ENOX1: variants seen among roughly 807,000 people sequenced by gnomAD.
The protein encoded by ENOX1 is ecto-NOX disulfide-thiol exchanger 1.
In ENOX1, 42 loss-of-function variants were observed where a neutral mutation model predicts 82.5. That is an observed-to-expected ratio of 0.51 (90% confidence interval 0.40 to 0.66). The LOEUF is 0.66. Ranked by LOEUF, ENOX1 falls within the 30% of genes least tolerant of loss-of-function variation. ENOX1 has a pLI of 0.00. For synonymous variants in ENOX1, 271 were observed against 282.2 expected (o/e 0.96, Z 0.40); for missense variants, 608 against 811.6 (o/e 0.75, Z 3.05).
intron 1 of ENOX1, among the ~76,000 whole-genome samples, chr13:43,764,259 C>A (rs1951145431): frequency 6.6e-6 from 1 of 152,166 alleles, no homozygotes; most frequent in Non-Finnish European, 1.5e-5. Context: ...TCTACAAAAA[C>A]ATATTCTAAC....
intron 1 of ENOX1, among the ~76,000 whole-genome samples, chr13:43,673,636 T>A (rs1435643160): frequency 6.6e-6 from 1 of 152,242 alleles, no homozygotes; most frequent in African/African-American, 2.4e-5. Context: ...CCACAGGGCA[T>A]AACTGGGCTA....
intron 2 of ENOX1, among the ~76,000 whole-genome samples, chr13:43,556,481 T>C (rs1363705715): frequency 6.6e-6 from 1 of 152,210 alleles, no homozygotes; most frequent in Non-Finnish European, 1.5e-5. Flanking sequence ...TACTCTACTG[T>C]AGATCTCTCA....
chr13:43,656,490 A>G (rs921814469), intron 2 of ENOX1, among the ~76,000 whole-genome samples: 4 of 152,222 alleles, frequency 2.6e-5, no homozygotes, highest in Non-Finnish European at 4.4e-5. Context: ...AAATTATTCA[A>G]TTCCTACCAT....
At position 43,383,069 on chromosome 13, in the gene ENOX1, C is replaced by T. The variant is rs569054541; in HGVS notation, c.209-21617G>A. Among the ~76,000 whole-genome samples, 5 of 152,266 alleles carry T rather than the reference C, an allele frequency of 3.3e-5. No homozygotes were observed. In the South Asian group the frequency reaches 1.0e-3, roughly 32 times the overall value. ...TATAGTTTTAGAAGTCAGCAAGCAGCATATTGGGGATTATGGATGAACTGA... is the reference window on the plus strand; with the variant it reads ...TATAGTTTTAGAAGTCAGCAAGCAGTATATTGGGGATTATGGATGAACTGA... On this transcript the variant is annotated intron_variant, in intron 5 of 16. Transcript: ENST00000690772.
intron 12 of ENOX1, among the ~76,000 whole-genome samples, chr13:43,280,016 A>G (rs2045286977): frequency 6.6e-6 from 1 of 152,214 alleles, no homozygotes; most frequent in Non-Finnish European, 1.5e-5. Flanking sequence ...GCAAATGGTA[A>G]TCCAATTTGC....
chr13:43,620,118 G>C (rs2153745413), intron 2 of ENOX1, among the ~76,000 whole-genome samples: 1 of 152,042 alleles, frequency 6.6e-6, no homozygotes, highest in South Asian at 2.1e-4. Context: ...TCCTTTCTTA[G>C]TGAGGTTATT....
intron 5 of ENOX1, among the ~76,000 whole-genome samples, chr13:43,407,512 G>A (rs1465258079): frequency 6.6e-6 from 1 of 152,130 alleles, no homozygotes; most frequent in African/African-American, 2.4e-5. Context: ...ATGGTGGTTT[G>A]CTGTACCTAT....
chr13:43,286,923 T>G (rs1179125820), intron 12 of ENOX1, among the ~76,000 whole-genome samples: 2 of 152,290 alleles, frequency 1.3e-5, no homozygotes, highest in Middle Eastern at 3.4e-3. Flanking sequence ...TCCAAGCATA[T>G]GAAGGAGGGA....
chr13:43,484,978 A>T (rs1298282794), intron 2 of ENOX1, among the ~76,000 whole-genome samples: 1 of 152,104 alleles, frequency 6.6e-6, no homozygotes, highest in African/African-American at 2.4e-5. Context: ...CAAACTTCTC[A>T]TCTTCCTCTG....
intron 1 of ENOX1, among the ~76,000 whole-genome samples, chr13:43,769,997 G>C (rs1951496573): frequency 6.6e-6 from 1 of 152,170 alleles, no homozygotes; most frequent in Non-Finnish European, 1.5e-5. Flanking sequence ...TCTCTAATAA[G>C]AATTTACCCA....
chr13:43,273,976 C>T (rs1415469836), intron 12 of ENOX1, among the ~76,000 whole-genome samples: 2 of 152,132 alleles, frequency 1.3e-5, no homozygotes, highest in African/African-American at 4.8e-5. Context: ...TGTTTCCCCA[C>T]TTCTATGGGA....
chr13:43,371,050 C>A (rs2051207562), intron 5 of ENOX1, among the ~76,000 whole-genome samples: 1 of 152,144 alleles, frequency 6.6e-6, no homozygotes, highest in Admixed American at 6.5e-5. Context: ...TTTCAGACTT[C>A]TTTTCACATC....
chr13:43,628,569 C>A lies in ENOX1; in HGVS notation c.-219+38910G>T, dbSNP rs187940889. Among the ~76,000 whole-genome samples the A allele has an allele frequency of 8.3e-4, 126 of 152,258 alleles. 1 individual carries two copies. Among genetic ancestry groups the A allele is most frequent in the Non-Finnish European group, 1.3e-4 (9 of 68,024 alleles). ...TTTCTACCATAGCTGCTTTCAAATC[C>A]TTTTCAGATAATTCTGACAGTCATC... On this transcript the variant is annotated intron_variant, in intron 2 of 16. Transcript: ENST00000690772.
chr13:43,698,794 T>C (rs920120111), intron 1 of ENOX1, among the ~76,000 whole-genome samples: 14 of 152,180 alleles, frequency 9.2e-5, no homozygotes, highest in African/African-American at 3.4e-4. Flanking sequence ...CAAAACTAAA[T>C]GTCTCCCAAC....
intron 2 of ENOX1, among the ~76,000 whole-genome samples, chr13:43,558,881 T>C (rs886448131): frequency 2.1e-4 from 32 of 152,198 alleles, no homozygotes; most frequent in Admixed American, 6.5e-4. Flanking sequence ...GAGTATGTAT[T>C]TTCTGTCACT....
intron 12 of ENOX1, among the ~76,000 whole-genome samples, chr13:43,293,992 T>TAATC (rs1488631238): frequency 6.6e-6 from 1 of 152,150 alleles, no homozygotes; most frequent in Non-Finnish European, 1.5e-5. Flanking sequence ...CTTTTGATCA[T>TAATC]AATCATCCTA....
At chr13:43,446,891 G>T (rs116984898) in intron 3 of ENOX1, among the ~76,000 whole-genome samples, 2,310 of 152,308 alleles carry the variant, frequency 0.015, 25 homozygotes, top group Non-Finnish European at 0.022. Flanking sequence ...TGTCCTACCA[G>T]TCAAACCCTA....
At chr13:43,464,578 A>C (rs1335493675) in intron 3 of ENOX1, among the ~76,000 whole-genome samples, 1 of 152,152 alleles carries the variant, frequency 6.6e-6, no homozygotes, top group Non-Finnish European at 1.5e-5. Flanking sequence ...AGTGTTTTTG[A>C]CAATTTTTTA....
intron 1 of ENOX1, among the ~76,000 whole-genome samples, chr13:43,694,245 G>A (rs1013338941): frequency 6.7e-6 from 1 of 149,892 alleles, no homozygotes. Context: ...AAAAAACAGA[G>A]AGAGAGACTA....
Sources: gnomAD v4.1 joint callset for allele counts (sites outside exome capture counted in the v4.1 genomes callset) on GRCh38, gnomAD v4.1.1 for gene constraint, MANE v1.5 for transcripts, NCBI Gene and HGNC (gene_info 2026-07-23, HGNC 2026-07-21) for gene names.